Variants in CAMTA1 observed in about 807,000 individuals in gnomAD.
CAMTA1 encodes the protein calmodulin binding transcription activator 1.
A neutral mutation model predicts 170.9 loss-of-function variants in CAMTA1; 27 were observed. The observed-to-expected ratio is 0.16, with a 90% CI of 0.12 to 0.22. CAMTA1 has a LOEUF of 0.22. Among genes scored for constraint, CAMTA1 ranks in the 10% least tolerant of loss-of-function variants. The pLI, the probability that CAMTA1 is intolerant of heterozygous loss-of-function variation, is 1.00. For missense variants in CAMTA1, 1,619 were observed against 2,217.2 expected (o/e 0.73, Z 5.42); for synonymous variants, 833 against 891.5 (o/e 0.93, Z 1.17).
intron 3 of CAMTA1, among the ~76,000 whole-genome samples, chr1:6,962,552 G>A (rs866459850): frequency 7.4e-4 from 99 of 133,920 alleles, no homozygotes; most frequent in African/African-American, 2.7e-3. Flanking sequence ...CACCCATCTT[G>A]CCCCGCCCAC....
At chr1:7,454,290 C>T (rs2092901021) in intron 5 of CAMTA1, among the ~76,000 whole-genome samples, 1 of 152,156 alleles carries the variant, frequency 6.6e-6, no homozygotes, top group Non-Finnish European at 1.5e-5. Flanking sequence ...TTAGGAGGAT[C>T]CTGCTGTAAT....
Position 7,664,894 on chromosome 1 carries a change from G to A in CAMTA1, c.2347G>A (p.Val783Met), listed in dbSNP as rs370719100. The A allele has an allele frequency of 5.9e-5, 95 of 1,613,244 alleles. No homozygotes were observed. Among genetic ancestry groups the A allele is most frequent in the Non-Finnish European group, 7.6e-5 (90 of 1,180,006 alleles). ...FSDLINDFIS[V>M]EGGSSTIYGH... ...CGACCTGATCAACGACTTCATCTCC[G>A]TGGAGGGGGGCAGCAGCACCATCTA... is the stretch of plus-strand genomic sequence containing the variant. The change falls in exon 9 of 23, where the codon GTG (valine) becomes ATG (methionine). Residue 783 changes from valine to methionine, a missense_variant. Coordinates refer to ENST00000303635, the MANE Select transcript of CAMTA1 (RefSeq NM_015215.4).
At chr1:6,895,477 C>T (rs1292858650) in intron 3 of CAMTA1, among the ~76,000 whole-genome samples, 2 of 152,216 alleles carry the variant, frequency 1.3e-5, no homozygotes, top group Non-Finnish European at 2.9e-5. Context: ...ATAGATTCCC[C>T]ATGCACTAGC....
chr1:7,398,179 CTCTCTCTCTCTCTCTATATATATATA>C (rs1301821991), intron 5 of CAMTA1, among the ~76,000 whole-genome samples: 8 of 43,758 alleles, frequency 1.8e-4, no homozygotes, highest in African/African-American at 7.2e-4. Flanking sequence ...CTCTCTCTCT[CTCTCTCTCTCTCTCTATATATATATA>C]TATATATATA....
At position 7,530,812 on chromosome 1, in the gene CAMTA1, GTTT is replaced by G. The variant is rs34013817; in HGVS notation, c.510+62929_510+62931del. 3.9e-3 allele frequency among the ~76,000 whole-genome samples: 398 copies of G among 100,780 alleles called. 2 individuals are homozygous for G. Among genetic ancestry groups the G allele is most frequent in the African/African-American group, 0.013 (347 of 25,946 alleles). 66.1% of individuals were successfully genotyped at this position (100,780 alleles called of 152,430 possible). A position where few individuals can be genotyped will look rare whatever the true frequency, so the allele number is the denominator to read the frequency against. On this transcript the variant is annotated intron_variant, in intron 6 of 22. Transcript: ENST00000303635. ...AGTATGTCCAGCACTGTGAGCTCTT[GTTT>G]TTTTTTTTTTTTTTTTTGAGACTGA... is the stretch of plus-strand genomic sequence containing the variant.
At chr1:7,186,652 G>T (rs1653337938) in intron 4 of CAMTA1, among the ~76,000 whole-genome samples, 1 of 152,140 alleles carries the variant, frequency 6.6e-6, no homozygotes, top group African/African-American at 2.4e-5. Flanking sequence ...GGGGCTGGTT[G>T]GGGGGAGGGT....
rs2097039212 is a variant in CAMTA1, at chr1:7,768,833, A to C, written c.*2342A>C. The C allele has an allele frequency of 6.6e-6, 1 of 152,496 alleles. No homozygotes were observed. The highest frequency in any genetic ancestry group is 1.5e-5 in the Non-Finnish European group (1 of 68,022). The allele number at this position is 152,496 out of a possible 1,614,324, so 9.4% of individuals were successfully genotyped here. A position where few individuals can be genotyped will look rare whatever the true frequency, so the allele number is the denominator to read the frequency against. On this transcript the variant is annotated 3_prime_UTR_variant, in exon 23 of 23. Transcript: ENST00000303635. ...TTGACCTATAGGAGGACACTGAGTA[A>C]TTTACAAACACAACTGCATTCATAA...
chr1:7,359,046 C>G (rs2085343540), intron 5 of CAMTA1, among the ~76,000 whole-genome samples: 1 of 152,190 alleles, frequency 6.6e-6, no homozygotes, highest in African/African-American at 2.4e-5. Flanking sequence ...GTTCTAGAGG[C>G]TTTCCCTGTC....
chr1:7,460,600 C>G (rs556346125), intron 5 of CAMTA1, among the ~76,000 whole-genome samples: 266 of 151,910 alleles, frequency 1.8e-3, no homozygotes, highest in African/African-American at 6.1e-3. Flanking sequence ...ACTGCCCCCC[C>G]CAACCCCAGC....
intron 3 of CAMTA1, among the ~76,000 whole-genome samples, chr1:6,857,719 C>CT (rs1662978075): frequency 6.6e-6 from 1 of 152,188 alleles, no homozygotes; most frequent in South Asian, 2.1e-4. Context: ...AGGCAATACT[C>CT]TAAGCTCTTG....
Position 7,576,766 on chromosome 1 carries a change from G to A in CAMTA1, c.511-63634G>A, listed in dbSNP as rs80211647. On this transcript the variant is annotated intron_variant, in intron 6 of 22. Coordinates refer to ENST00000303635, the MANE Select transcript of CAMTA1 (RefSeq NM_015215.4). The stretch of plus-strand genomic sequence containing the variant: ...GCTGCAGCTGAGGGGAGCAGTACTA[G>A]GGAGCCAGCAACCATCCTTGAGAGA... Among the ~76,000 whole-genome samples the A allele has an allele frequency of 6.0e-3, 912 of 152,274 alleles. 9 individuals carry two copies. The highest frequency in any genetic ancestry group is 0.021 in the African/African-American group (870 of 41,524).
chr1:7,192,595 G>A (rs1654744634), intron 4 of CAMTA1, among the ~76,000 whole-genome samples: 1 of 152,232 alleles, frequency 6.6e-6, no homozygotes, highest in African/African-American at 2.4e-5. Flanking sequence ...GCTAGCCATT[G>A]AGCCGAGTGC....
intron 4 of CAMTA1, among the ~76,000 whole-genome samples, chr1:7,227,861 AG>A (rs1229685144): frequency 7.3e-6 from 1 of 137,814 alleles, no homozygotes; most frequent in African/African-American, 3.5e-5. Context: ...CTCCTCACCC[AG>A]GGCCCCTGCA....
At chr1:6,903,902 G>T (rs994011964) in intron 3 of CAMTA1, among the ~76,000 whole-genome samples, 1 of 152,158 alleles carries the variant, frequency 6.6e-6, no homozygotes, top group Non-Finnish European at 1.5e-5. Context: ...CTTTTTATCT[G>T]TACTCTCCAT....
intron 1 of CAMTA1, among the ~76,000 whole-genome samples, chr1:6,810,836 G>A (rs983856881): frequency 6.6e-6 from 1 of 152,176 alleles, no homozygotes; most frequent in African/African-American, 2.4e-5. Flanking sequence ...AAGAGGTGGG[G>A]ATCATAGGAG....
chr1:7,701,147 G>T (rs533791434), intron 11 of CAMTA1, among the ~76,000 whole-genome samples: 1 of 152,362 alleles, frequency 6.6e-6, no homozygotes, highest in East Asian at 1.9e-4. Flanking sequence ...CACAGGCTCT[G>T]AAGTGAAACC....
chr1:7,633,326 GAGGCAC>G lies in CAMTA1; in HGVS notation c.511-7071_511-7066del, dbSNP rs1156251366. 6.6e-6 allele frequency among the ~76,000 whole-genome samples: 1 copy of G among 152,196 alleles called. No individual in the cohort carries two copies. The highest frequency in any genetic ancestry group is 2.4e-5 in the African/African-American group (1 of 41,448). On this transcript the variant is annotated intron_variant, in intron 6 of 22. Transcript: ENST00000303635. The surrounding 1 kb of genome is among the most constrained non-coding windows in gnomAD (Gnocchi z 4.1). ...TCAGCAGCTCCAAATGCATTTCCAG[GAGGCAC>G]AGCTGGGTTAAGGGACAAGCTGAAC...
chr1:6,797,576 G>A (rs1239580370), intron 1 of CAMTA1, among the ~76,000 whole-genome samples: 1 of 151,624 alleles, frequency 6.6e-6, no homozygotes, highest in Non-Finnish European at 1.5e-5. Context: ...TAGCAGAGAC[G>A]GGGTTTTACC....
At chr1:6,984,830 G>C (rs1019888095) in intron 3 of CAMTA1, among the ~76,000 whole-genome samples, 4 of 152,210 alleles carry the variant, frequency 2.6e-5, no homozygotes, top group Non-Finnish European at 1.5e-5. Context: ...TCAGCTACCT[G>C]AAGAGGCGAC....
Sources: gnomAD v4.1 joint callset for allele counts (sites outside exome capture counted in the v4.1 genomes callset) on GRCh38, gnomAD v4.1.1 for gene constraint, Gnocchi (gnomAD v3.1) non-coding constraint, MANE v1.5 for transcripts, NCBI Gene and HGNC (gene_info 2026-07-23, HGNC 2026-07-21) for gene names.